PKD1L1: variants seen among roughly 807,000 people sequenced by gnomAD.
The protein encoded by PKD1L1 is polycystin-1-like protein 1.
In PKD1L1, 236 loss-of-function variants were observed where a neutral mutation model predicts 323.4. The ratio of observed to expected loss-of-function variants is 0.73; its 90% confidence interval spans 0.66 to 0.81. The LOEUF (loss-of-function observed/expected upper bound fraction) is 0.81. Among genes scored for constraint, PKD1L1 ranks in the 40% least tolerant of loss-of-function variants. PKD1L1 has a pLI of 0.00. For synonymous variants in PKD1L1, 1,344 were observed against 1,335.0 expected (o/e 1.01, Z -0.15); for missense variants, 3,320 against 3,508.0 (o/e 0.95, Z 1.35).
chr7:47,897,493 C>T (rs1230377310), intron 14 of PKD1L1, among the ~76,000 whole-genome samples: 2 of 152,176 alleles, frequency 1.3e-5, no homozygotes, highest in African/African-American at 2.4e-5. Flanking sequence ...TTCTTGAAGC[C>T]TACTCTTTTA....
intron 51 of PKD1L1, 56 bp from the exon 52 acceptor site, chr7:47,808,443 C>A: frequency 6.2e-7 from 1 of 1,603,102 alleles, no homozygotes; most frequent in South Asian, 1.1e-5. Context: ...GCTTACCTGG[C>A]ACCCCATGTG....
intron 56 of PKD1L1, among the ~76,000 whole-genome samples, chr7:47,786,239 G>A (rs1291453500): frequency 2.0e-5 from 3 of 152,262 alleles, no homozygotes; most frequent in African/African-American, 2.4e-5. Context: ...CACCTGTGAC[G>A]GGGGCTACGT....
At chr7:47,910,142 T>C (rs1012750210) in intron 8 of PKD1L1, among the ~76,000 whole-genome samples, 3 of 152,178 alleles carry the variant, frequency 2.0e-5, no homozygotes, top group Admixed American at 6.5e-5. Context: ...TAGATAGCCA[T>C]GCAGGTCATC....
At chr7:47,889,822 G>C (rs563479983) in intron 16 of PKD1L1, among the ~76,000 whole-genome samples, 17 of 152,310 alleles carry the variant, frequency 1.1e-4, no homozygotes, top group Non-Finnish European at 1.9e-4. Context: ...CTGGGTGGGT[G>C]CCAGCTTGCA....
In PKD1L1 at chr7:47,931,143, G is replaced by T. The variant is rs1341541102; in HGVS notation, c.698C>A (p.Pro233His). The T allele has an allele frequency of 9.3e-6, 15 of 1,614,076 alleles. No homozygotes were observed. The highest frequency in any genetic ancestry group is 1.3e-5 in the Non-Finnish European group (15 of 1,180,032). ...GGGAAAATGTGAAATCGGCCACAGG[G>T]GCACTCGCTGGGAGCTGGTCTGAGT... ...RPTQTSSQRV[P>H]LWPISHFPTS... The change falls in exon 6 of 57, where the codon CCC becomes CAC. Residue 233 changes from proline (P) to histidine (H), a missense_variant. Transcript: ENST00000289672.
rs1226734803 is a variant in PKD1L1, at chr7:47,839,215, A to T, written c.5769+231T>A. Among the ~76,000 whole-genome samples, 1 of 152,270 alleles carries T rather than the reference A, an allele frequency of 6.6e-6. No homozygotes were observed. Among genetic ancestry groups the T allele is most frequent in the Non-Finnish European group, 1.5e-5 (1 of 68,050 alleles). On this transcript the variant is annotated intron_variant, in intron 36 of 56. Transcript: ENST00000289672. This position sits in a 1 kb window ranked among gnomAD's most constrained non-coding sequence, Gnocchi z 4.3. ...TCCAGCAATGCTATTACAATTACAG[A>T]GAAGCATTACTACAATAATTAATAA...
upstream of PKD1L1, among the ~76,000 whole-genome samples, chr7:47,950,818 C>A (rs536582833): frequency 6.6e-6 from 1 of 152,182 alleles, no homozygotes; most frequent in African/African-American, 2.4e-5. Flanking sequence ...AGAACACCCT[C>A]GGGGCCAGCG....
At chr7:47,817,950 C>A (rs763719946) in intron 46 of PKD1L1, 4 of 1,000,300 alleles carry the variant, frequency 4.0e-6, no homozygotes, top group Non-Finnish European at 5.4e-6. Context: ...TTTTTTCTTA[C>A]GAAGAAATGA....
At position 47,813,169 on chromosome 7, in the gene PKD1L1, C is replaced by T; in HGVS notation, c.7298G>A (p.Gly2433Glu). 6.2e-7 allele frequency: 1 copy of T among 1,614,154 alleles called. No homozygotes were observed. The highest frequency in any genetic ancestry group is 8.5e-7 in the Non-Finnish European group (1 of 1,180,040). ...ENQNVTLNGP[G>E]GCGTREDCVL... ...ACAGTCCTCCCTTGTCCCACAGCCCCCAGGACCATTCAGGGTCACGTTTTG... is the reference window on the plus strand; with the variant it reads ...ACAGTCCTCCCTTGTCCCACAGCCCTCAGGACCATTCAGGGTCACGTTTTG... Residue 2433 changes from glycine (G) to glutamate (E), a missense_variant, in exon 49 of 57, where the codon GGG (glycine) becomes GAG (glutamate). Physicochemically the swap from Gly to Glu is moderately conservative, Grantham distance 98 (BLOSUM62 -2). Transcript: ENST00000289672.
chr7:47,930,400 G>A (rs1240760990), intron 6 of PKD1L1, among the ~76,000 whole-genome samples: 1 of 152,112 alleles, frequency 6.6e-6, no homozygotes. Flanking sequence ...AGCTACTTGG[G>A]AGGCTGAGGC....
intron 3 of PKD1L1, among the ~76,000 whole-genome samples, chr7:47,938,568 C>G (rs1787915740): frequency 6.6e-6 from 1 of 152,232 alleles, no homozygotes; most frequent in African/African-American, 2.4e-5. Context: ...CCAGCACGTC[C>G]AGGAGCTGGT....
At chr7:47,907,673 T>A (rs1787234355) in intron 9 of PKD1L1, among the ~76,000 whole-genome samples, 1 of 152,168 alleles carries the variant, frequency 6.6e-6, no homozygotes, top group African/African-American at 2.4e-5. Flanking sequence ...AAAATGTGCC[T>A]CCAGCCCGTG....
chr7:47,827,211 G>A (rs1583600249), intron 45 of PKD1L1, 139 bp downstream of exon 45: 1 of 679,478 alleles, frequency 1.5e-6, no homozygotes, highest in East Asian at 2.8e-5. Context: ...ATGGCTCTGG[G>A]GACAGCAAGG....
intron 19 of PKD1L1, among the ~76,000 whole-genome samples, chr7:47,882,388 C>G (rs1005538782): frequency 1.3e-5 from 2 of 150,726 alleles, no homozygotes; most frequent in African/African-American, 4.9e-5. Flanking sequence ...GGAGACACAG[C>G]GTGAACCAGA....
the PKD1L1 span, among the ~76,000 whole-genome samples, chr7:47,953,507 T>C: frequency 6.6e-6 from 1 of 152,208 alleles, no homozygotes; most frequent in Admixed American, 6.5e-5. Context: ...AGTCCCATGG[T>C]CCCTCTCAGC....
chr7:47,835,257 A>C lies in PKD1L1; in HGVS notation c.5944-14T>G. ...GTCCAAGTGGGGCTGCAACAAAGCA[A>C]CAGCAGCCATTACATCAACTCAATA... On this transcript the variant is annotated splice_polypyrimidine_tract_variant and intron_variant, in intron 37 of 56. Transcript: ENST00000289672. 1 of 1,540,412 alleles carries C rather than the reference A, an allele frequency of 6.5e-7. No homozygotes were observed.
intron 27 of PKD1L1, 113 bp downstream of exon 27, chr7:47,858,560 A>G (rs1224629274): frequency 2.1e-6 from 2 of 944,784 alleles, no homozygotes; most frequent in African/African-American, 1.6e-5. Flanking sequence ...GAATGAACAC[A>G]GTACTTCAGA....
chr7:47,923,335 T>TAA (rs371527820), intron 7 of PKD1L1, among the ~76,000 whole-genome samples: 3,249 of 123,466 alleles, frequency 0.026, 51 homozygotes, highest in South Asian at 0.048. Flanking sequence ...CAATAAATAC[T>TAA]AAAAAAAAAA....
At chr7:47,920,323 A>G (rs1787511333) in intron 7 of PKD1L1, among the ~76,000 whole-genome samples, 1 of 151,934 alleles carries the variant, frequency 6.6e-6, no homozygotes. Flanking sequence ...ACTTAGGAAT[A>G]TACCTAACCA....
Sources: gnomAD v4.1 joint callset for allele counts (sites outside exome capture counted in the v4.1 genomes callset) on GRCh38, gnomAD v4.1.1 for gene constraint, Gnocchi (gnomAD v3.1) non-coding constraint, MANE v1.5 for transcripts, NCBI Gene and HGNC (gene_info 2026-07-23, HGNC 2026-07-21) for gene names.